Variants in CTNNA3 observed in about 807,000 individuals in gnomAD.
The protein encoded by CTNNA3 is catenin alpha 3.
CTNNA3 carries 76 observed loss-of-function variants against 95.7 expected under a neutral mutation model. The observed-to-expected ratio is 0.79, with a 90% CI of 0.66 to 0.96. The LOEUF (loss-of-function observed/expected upper bound fraction) is 0.96. Among genes scored for constraint, CTNNA3 ranks in the 40% least tolerant of loss-of-function variants. The probability of loss-of-function intolerance (pLI) is 0.00; values close to 1 mark genes in which losing one functional copy is unlikely to be tolerated. For missense variants in CTNNA3, 1,191 were observed against 1,089.8 expected, an observed-to-expected ratio of 1.09 and a Z score of -1.31; for synonymous variants, 431 against 374.4, an observed-to-expected ratio of 1.15 and a Z score of -1.74.
chr10:66,106,247 G>A (rs956043754), intron 13 of CTNNA3, among the ~76,000 whole-genome samples: 1 of 151,592 alleles, frequency 6.6e-6, no homozygotes, highest in African/African-American at 2.4e-5. Flanking sequence ...GGGAAAGGAG[G>A]GATGATAGAG....
At chr10:67,509,373 G>C (rs1453727246) in intron 5 of CTNNA3, among the ~76,000 whole-genome samples, 2 of 152,048 alleles carry the variant, frequency 1.3e-5, no homozygotes, top group Non-Finnish European at 2.9e-5. Flanking sequence ...CTCGGTGTGT[G>C]ATGTTCCCTG....
intron 9 of CTNNA3, among the ~76,000 whole-genome samples, chr10:66,622,006 A>C (rs538683885): frequency 5.9e-5 from 9 of 152,310 alleles, no homozygotes; most frequent in African/African-American, 2.2e-4. Flanking sequence ...AGGAGAGACT[A>C]GTGAGAGAAT....
intron 9 of CTNNA3, among the ~76,000 whole-genome samples, chr10:66,673,123 T>G (rs1359592252): frequency 6.6e-6 from 1 of 152,084 alleles, no homozygotes; most frequent in Non-Finnish European, 1.5e-5. Flanking sequence ...AAAGTACTGA[T>G]TCAATCTATT....
At position 67,720,129 on chromosome 10, in the gene CTNNA3, C is replaced by CTTTTTTTT. The variant is rs58074397; in HGVS notation, c.-2+43297_-2+43304dup. On this transcript the variant is annotated intron_variant, in intron 1 of 17. Coordinates refer to the CTNNA3 transcript ENST00000684154. ...TCAGAGACTAGGATTGCAACCCCTGCTTTTTTTTTTTTTTTTTTTTTTTGC... is the reference window on the plus strand; with the variant it reads ...TCAGAGACTAGGATTGCAACCCCTGCTTTTTTTTTTTTTTTTTTTTTTTTTTTTTTTGC... Among the ~76,000 whole-genome samples the CTTTTTTTT allele has an allele frequency of 7.3e-3, 48 of 6,612 alleles. 20 individuals carry two copies. The highest frequency in any genetic ancestry group is 0.015 in the African/African-American group (23 of 1,500). The allele number at this position is 6,612 out of a possible 152,430, so 4.3% of individuals were successfully genotyped here.
chr10:66,072,763 G>A (rs1361990102), intron 14 of CTNNA3, among the ~76,000 whole-genome samples: 1 of 151,822 alleles, frequency 6.6e-6, no homozygotes. Flanking sequence ...TCTGCCAAAC[G>A]CGCATCTCCC....
chr10:66,009,489 T>C (rs2078963660), intron 15 of CTNNA3, among the ~76,000 whole-genome samples: 1 of 152,196 alleles, frequency 6.6e-6, no homozygotes, highest in Non-Finnish European at 1.5e-5. Context: ...CATTAAATCC[T>C]GGGAAGGCTA....
chr10:66,073,129 G>A (rs570142737), intron 14 of CTNNA3, among the ~76,000 whole-genome samples: 8 of 152,060 alleles, frequency 5.3e-5, no homozygotes, highest in African/African-American at 1.9e-4. Context: ...GGTAGTGGGG[G>A]AGGGGGTTTG....
chr10:67,398,273 G>A (rs1844791518), intron 5 of CTNNA3, among the ~76,000 whole-genome samples: 1 of 152,228 alleles, frequency 6.6e-6, no homozygotes. Flanking sequence ...CACCTCTTGT[G>A]TCAGTGTACC....
intron 3 of CTNNA3, among the ~76,000 whole-genome samples, chr10:67,560,246 G>A (rs1841452129): frequency 6.6e-6 from 1 of 151,596 alleles, no homozygotes; most frequent in Non-Finnish European, 1.5e-5. Flanking sequence ...AGAAAGGTCG[G>A]GTTACCCACA....
chr10:67,019,642 G>A (rs1472368649), intron 7 of CTNNA3, among the ~76,000 whole-genome samples: 1 of 152,206 alleles, frequency 6.6e-6, no homozygotes, highest in Non-Finnish European at 1.5e-5. Context: ...CACAGTGTGA[G>A]TCATTGATAT....
At chr10:65,946,638 C>T (rs1047606098) in intron 17 of CTNNA3, among the ~76,000 whole-genome samples, 4 of 152,066 alleles carry the variant, frequency 2.6e-5, no homozygotes, top group Non-Finnish European at 5.9e-5. Flanking sequence ...AATTCTAATT[C>T]TTTATTATTT....
At chr10:66,525,499 T>G (rs1177339319) in intron 10 of CTNNA3, among the ~76,000 whole-genome samples, 1 of 152,154 alleles carries the variant, frequency 6.6e-6, no homozygotes, top group Non-Finnish European at 1.5e-5. Context: ...ATTGCCACAC[T>G]GTACTCTCTT....
At chr10:67,015,051 T>TA (rs1351429779) in intron 7 of CTNNA3, among the ~76,000 whole-genome samples, 1 of 152,020 alleles carries the variant, frequency 6.6e-6, no homozygotes, top group African/African-American at 2.4e-5. Context: ...AAAGTTGAGG[T>TA]AAAAAATGGA....
chr10:67,660,652 T>G (rs1971066), intron 1 of CTNNA3, among the ~76,000 whole-genome samples: 67,866 of 151,890 alleles, frequency 0.45, 19,052 homozygotes, highest in African/African-American at 0.8. Context: ...GCGAATTAAG[T>G]CCGGGCGCAG....
chr10:66,926,352 T>G, intron 7 of CTNNA3: 4 of 577,748 alleles, frequency 6.9e-6, no homozygotes, highest in East Asian at 3.0e-5. Flanking sequence ...CCTAGGAAGA[T>G]TTTGATGTTT....
intron 12 of CTNNA3, among the ~76,000 whole-genome samples, chr10:66,290,567 GAAC>G (rs1301115630): frequency 2.0e-5 from 3 of 152,044 alleles, no homozygotes; most frequent in African/African-American, 4.8e-5. Context: ...ATAATAAAAT[GAAC>G]AATAGTCTTT....
chr10:66,744,653 ATGT>A (rs1449549194), intron 9 of CTNNA3, among the ~76,000 whole-genome samples: 2 of 152,184 alleles, frequency 1.3e-5, no homozygotes, highest in African/African-American at 4.8e-5. Flanking sequence ...TTTCAGGATA[ATGT>A]TATTATATAA....
At chr10:67,275,524 A>T (rs1331913585) in intron 5 of CTNNA3, among the ~76,000 whole-genome samples, 1 of 152,190 alleles carries the variant, frequency 6.6e-6, no homozygotes, top group African/African-American at 2.4e-5. Context: ...CTAAGCGTAT[A>T]AAAAACCGAA....
intron 3 of CTNNA3, among the ~76,000 whole-genome samples, chr10:67,594,138 G>A (rs1275890931): frequency 1.3e-5 from 2 of 152,126 alleles, no homozygotes; most frequent in African/African-American, 4.8e-5. Context: ...TTTTTGATGT[G>A]CTGCTGGATT....
Sources: gnomAD v4.1 joint callset for allele counts (sites outside exome capture counted in the v4.1 genomes callset) on GRCh38, gnomAD v4.1.1 for gene constraint, MANE v1.5 for transcripts, NCBI Gene and HGNC (gene_info 2026-07-23, HGNC 2026-07-21) for gene names.